Variants in AUH observed in about 807,000 individuals in gnomAD.
The protein encoded by AUH is AU RNA binding methylglutaconyl-CoA hydratase, also known as methylglutaconyl-CoA hydratase, mitochondrial.
A neutral mutation model predicts 42.3 loss-of-function variants in AUH; 29 were observed. The ratio of observed to expected loss-of-function variants is 0.69; its 90% CI spans 0.51 to 0.93. The LOEUF (loss-of-function observed/expected upper bound fraction) is 0.93. Among genes scored for constraint, AUH ranks in the 40% least tolerant of loss-of-function variants. The probability of loss-of-function intolerance (pLI) is 0.00; values close to 1 mark genes in which losing one functional copy is unlikely to be tolerated. For missense variants in AUH, 452 were observed against 438.1 expected (o/e 1.03, Z -0.28); for synonymous variants, 174 against 166.4 (o/e 1.05, Z -0.35).
intron 6 of AUH, among the ~76,000 whole-genome samples, chr9:91,276,170 T>C (rs1428333121): frequency 1.3e-5 from 2 of 152,144 alleles, no homozygotes; most frequent in African/African-American, 4.8e-5. Context: ...GGCTCATGCC[T>C]ATAATCTCAG....
At chr9:91,261,397 G>A (rs943541185) in intron 6 of AUH, among the ~76,000 whole-genome samples, 1 of 152,162 alleles carries the variant, frequency 6.6e-6, no homozygotes, top group East Asian at 1.9e-4. Flanking sequence ...TTTCTTCAGG[G>A]TGTCCTACAA....
chr9:91,298,504 T>G (rs1827528093), intron 4 of AUH, among the ~76,000 whole-genome samples: 2 of 152,236 alleles, frequency 1.3e-5, no homozygotes, highest in Non-Finnish European at 2.9e-5. Context: ...TGACAGAGTC[T>G]CATTCAAAGA....
At chr9:91,295,941 C>A in intron 6 of AUH, 80 bp downstream of exon 6, 1 of 1,502,472 alleles carries the variant, frequency 6.7e-7, no homozygotes, top group Non-Finnish European at 9.3e-7. Context: ...TGTTGCCTTT[C>A]CAATTAACAT....
intron 6 of AUH, among the ~76,000 whole-genome samples, chr9:91,268,561 G>A (rs1002734672): frequency 6.6e-6 from 1 of 152,056 alleles, no homozygotes; most frequent in Admixed American, 6.5e-5. Flanking sequence ...CTCCTGAGTA[G>A]CTGGGACTAC....
At position 91,220,654 on chromosome 9, in the gene AUH, T is replaced by C; in HGVS notation, c.843+151A>G. On this transcript the variant is annotated intron_variant, in intron 7 of 9. Transcript: ENST00000375731. ...CCACAGGATCATAGTGTTTATCTTG[T>C]GTAACTGCTCTAGTTTTACAGAGCC... The C allele has an allele frequency of 5.4e-6, 4 of 737,766 alleles. No homozygotes were observed. The South Asian group carries it at 7.2e-5, about 13-fold the overall frequency. The allele number at this position is 737,766 out of a possible 1,614,324, so 45.7% of individuals were successfully genotyped here.
chr9:91,327,538 G>A (rs1830038491), intron 3 of AUH, among the ~76,000 whole-genome samples: 1 of 152,100 alleles, frequency 6.6e-6, no homozygotes, highest in Non-Finnish European at 1.5e-5. Context: ...CCCTCTCACA[G>A]CTGAGAGCTT....
At chr9:91,247,179 T>C (rs912025266) in intron 6 of AUH, among the ~76,000 whole-genome samples, 1 of 152,148 alleles carries the variant, frequency 6.6e-6, no homozygotes, top group Admixed American at 6.5e-5. Flanking sequence ...CTCCGTACAC[T>C]GCATCACCCT....
intron 4 of AUH, among the ~76,000 whole-genome samples, chr9:91,312,655 G>A (rs1398355233): frequency 1.3e-5 from 2 of 152,220 alleles, no homozygotes; most frequent in Admixed American, 6.5e-5. Flanking sequence ...GAACGCAAGA[G>A]GTGGAGGCTG....
At chr9:91,328,128 A>T (rs1433005194) in intron 3 of AUH, among the ~76,000 whole-genome samples, 2 of 152,192 alleles carry the variant, frequency 1.3e-5, no homozygotes, top group Non-Finnish European at 2.9e-5. Flanking sequence ...ATCATGAGGG[A>T]GGCCAATCCA....
chr9:91,295,536 C>T (rs920631435), intron 6 of AUH, among the ~76,000 whole-genome samples: 9 of 152,200 alleles, frequency 5.9e-5, no homozygotes, highest in Non-Finnish European at 2.9e-5. Context: ...GCAAACTGCA[C>T]TGCTGTCCTT....
At chr9:91,325,558 C>T (rs1829911527) in intron 3 of AUH, among the ~76,000 whole-genome samples, 154 bp from the exon 4 acceptor site, 1 of 152,150 alleles carries the variant, frequency 6.6e-6, no homozygotes, top group South Asian at 2.1e-4. Flanking sequence ...TTCCCAATGA[C>T]CATGTTCAAC....
chr9:91,325,706 T>C (rs76107483), intron 3 of AUH, among the ~76,000 whole-genome samples: 1,526 of 152,292 alleles, frequency 0.01, 26 homozygotes, highest in African/African-American at 0.035. Context: ...GTTACTCTAT[T>C]AGAAATCAAA....
intron 3 of AUH, among the ~76,000 whole-genome samples, chr9:91,330,480 G>A (rs1055624588): frequency 3.9e-5 from 6 of 152,124 alleles, no homozygotes; most frequent in Non-Finnish European, 7.4e-5. Context: ...TCAAGATACC[G>A]CATAAAGTAT....
intron 4 of AUH, among the ~76,000 whole-genome samples, chr9:91,307,931 T>C (rs1218038949): frequency 3.3e-5 from 5 of 151,956 alleles, no homozygotes. Context: ...AAACAGGAAA[T>C]ACACAAATTC....
intron 6 of AUH, among the ~76,000 whole-genome samples, chr9:91,279,603 A>G (rs1564059574): frequency 1.3e-5 from 2 of 152,114 alleles, no homozygotes; most frequent in South Asian, 2.1e-4. Context: ...AGGAGGGGGA[A>G]GTGCCACACA....
chr9:91,265,571 G>C (rs546950887), intron 6 of AUH, among the ~76,000 whole-genome samples: 1 of 152,148 alleles, frequency 6.6e-6, no homozygotes, highest in Non-Finnish European at 1.5e-5. Flanking sequence ...GCATATTTTG[G>C]GGGAGGGCCT....
chr9:91,325,824 G>A (rs1829929030), intron 3 of AUH, among the ~76,000 whole-genome samples: 1 of 152,168 alleles, frequency 6.6e-6, no homozygotes, highest in African/African-American at 2.4e-5. Context: ...TTTGCAAGGT[G>A]CTGTCAGTTT....
intron 8 of AUH, among the ~76,000 whole-genome samples, chr9:91,216,320 T>A (rs899427882): frequency 6.6e-6 from 1 of 152,118 alleles, no homozygotes; most frequent in Non-Finnish European, 1.5e-5. Flanking sequence ...TTGGGGAAGT[T>A]ATTTAACCTC....
At chr9:91,217,157 T>G (rs1471528061) in intron 8 of AUH, 120 bp downstream of exon 8, 3 of 1,018,518 alleles carry the variant, frequency 2.9e-6, no homozygotes, top group Admixed American at 4.3e-5. Flanking sequence ...TCAGTAATAG[T>G]AGCATTTAAA....
Sources: gnomAD v4.1 joint callset for allele counts (sites outside exome capture counted in the v4.1 genomes callset) on GRCh38, gnomAD v4.1.1 for gene constraint, MANE v1.5 for transcripts, NCBI Gene and HGNC (gene_info 2026-07-23, HGNC 2026-07-21) for gene names.